KIZ: variants seen among roughly 807,000 people sequenced by gnomAD.
KIZ encodes kizuna centrosomal protein, also known as centrosomal protein kizuna.
KIZ carries 68 observed loss-of-function variants against 79.6 expected under a neutral mutation model. The ratio of observed to expected loss-of-function variants is 0.85; its 90% CI spans 0.70 to 1.05. The LOEUF (loss-of-function observed/expected upper bound fraction) is 1.05. Among genes scored for constraint, KIZ ranks in the 50% least tolerant of loss-of-function variants. The pLI is 0.00. For missense variants in KIZ, 797 were observed against 800.4 expected (o/e 1.00, Z 0.05); for synonymous variants, 280 against 281.8 (o/e 0.99, Z 0.06).
chr20:21,220,455 G>A (rs1311545760), intron 9 of KIZ, among the ~76,000 whole-genome samples: 2 of 152,008 alleles, frequency 1.3e-5, no homozygotes, highest in East Asian at 3.9e-4. Context: ...TCACTGCCCT[G>A]CCTCTTTTAT....
chr20:21,136,485 GA>G lies in KIZ; in HGVS notation c.249del (p.Phe84LeufsTer21). On this transcript the variant is annotated frameshift_variant, in exon 3 of 13. Coordinates refer to ENST00000619189, the MANE Select transcript of KIZ (RefSeq NM_018474.6). LOFTEE classifies it high-confidence loss of function. ...ACTCGAAACCAAGAATATTTAAAGCGATTTGAGCGTGTCCAAGCTCATGTTG... is the reference window on the plus strand; with the variant it reads ...ACTCGAAACCAAGAATATTTAAAGCGTTTGAGCGTGTCCAAGCTCATGTTG... ...AHTRNQEYLKRFERVQAHVVH... is the reference protein window; with the variant it reads ...AHTRNQEYLKXFERVQAHVVH... 2 of 1,599,092 alleles carry G rather than the reference GA, an allele frequency of 1.3e-6. No homozygotes were observed. Among genetic ancestry groups the G allele is most frequent in the South Asian group, 2.3e-5 (2 of 88,818 alleles).
At chr20:21,186,757 T>C (rs1418028767) in intron 6 of KIZ, among the ~76,000 whole-genome samples, 1 of 152,126 alleles carries the variant, frequency 6.6e-6, no homozygotes, top group Admixed American at 6.6e-5. Flanking sequence ...TCTAACAGGC[T>C]GTCCTAGGAG....
chr20:21,141,066 A>G (rs2032496080), intron 3 of KIZ, among the ~76,000 whole-genome samples: 1 of 152,122 alleles, frequency 6.6e-6, no homozygotes, highest in East Asian at 1.9e-4. Flanking sequence ...AAATATTAGT[A>G]TTAATGCTGT....
At chr20:21,223,181 AG>A (rs2036555796) in intron 9 of KIZ, among the ~76,000 whole-genome samples, 1 of 152,202 alleles carries the variant, frequency 6.6e-6, no homozygotes, top group Non-Finnish European at 1.5e-5. Context: ...AGTTTTGAAA[AG>A]TTAAAGGTTT....
At chr20:21,201,280 T>A (rs1294376519) in intron 6 of KIZ, among the ~76,000 whole-genome samples, 1 of 152,240 alleles carries the variant, frequency 6.6e-6, no homozygotes, top group Admixed American at 6.5e-5. Flanking sequence ...ATGATTCATG[T>A]GATTTAGAGA....
chr20:21,134,296 C>T (rs868477688), intron 2 of KIZ, among the ~76,000 whole-genome samples: 2 of 152,220 alleles, frequency 1.3e-5, no homozygotes, highest in African/African-American at 2.4e-5. Context: ...TTAAGCATGA[C>T]GGGATGTTTT....
intron 4 of KIZ, chr20:21,158,881 C>T (rs555111354): frequency 6.6e-6 from 1 of 152,406 alleles, no homozygotes; most frequent in African/African-American, 2.4e-5. Context: ...GCAGCTTTGA[C>T]TTCCTGGGCC....
chr20:21,158,937 T>C (rs2033519672), intron 4 of KIZ, among the ~76,000 whole-genome samples: 1 of 151,718 alleles, frequency 6.6e-6, no homozygotes, highest in Non-Finnish European at 1.5e-5. Context: ...GGACCACAGG[T>C]GTGTGCCACC....
At chr20:21,226,527 G>A (rs2036660031) in intron 9 of KIZ, among the ~76,000 whole-genome samples, 1 of 152,108 alleles carries the variant, frequency 6.6e-6, no homozygotes, top group African/African-American at 2.4e-5. Context: ...ACTAAATAGG[G>A]GGGTGATGCA....
In KIZ at chr20:21,171,286, T is replaced by C. The variant is rs565122097; in HGVS notation, c.1352+8127T>C. Among the ~76,000 whole-genome samples the C allele has an allele frequency of 2.0e-5, 3 of 152,356 alleles. No homozygotes were observed. In the East Asian group the frequency reaches 5.8e-4, roughly 29 times the overall value. ...CCATTTTTATTTCAGTTAGTTTTCT[T>C]ATTGTTGAGTTTTAATAGCTCTTTC... is the stretch of plus-strand genomic sequence containing the variant. On this transcript the variant is annotated intron_variant, in intron 6 of 12. Transcript: ENST00000619189.
intron 6 of KIZ, among the ~76,000 whole-genome samples, chr20:21,164,811 G>A (rs979519588): frequency 6.6e-6 from 1 of 151,906 alleles, no homozygotes; most frequent in African/African-American, 2.4e-5. Context: ...GGCATGTGGG[G>A]AATTTTGAGT....
At chr20:21,150,414 T>G (rs2033060488) in intron 4 of KIZ, among the ~76,000 whole-genome samples, 1 of 152,184 alleles carries the variant, frequency 6.6e-6, no homozygotes, top group South Asian at 2.1e-4. Flanking sequence ...GAATCACTGC[T>G]CAACTATAAA....
rs551437123 is a variant in KIZ, at chr20:21,199,695, G to T, written c.1353-5796G>T. ...CCTGCTGGGAACTCCAAATCTAAGT[G>T]AAATAGACCTATCTGCTTTGTGATC... On this transcript the variant is annotated intron_variant, in intron 6 of 12. Coordinates refer to ENST00000619189, the MANE Select transcript of KIZ (RefSeq NM_018474.6). Among the ~76,000 whole-genome samples, 25 of 152,328 alleles carry T rather than the reference G, an allele frequency of 1.6e-4. 1 individual carries two copies. The East Asian group carries it at 2.9e-3, about 18-fold the overall frequency.
intron 3 of KIZ, among the ~76,000 whole-genome samples, chr20:21,145,132 A>G (rs2032776173): frequency 6.6e-6 from 1 of 151,288 alleles, no homozygotes; most frequent in South Asian, 2.1e-4. Context: ...TATTTTGTAG[A>G]TATCATATAG....
In KIZ at chr20:21,162,177, G is replaced by A. The variant is rs1330830312; in HGVS notation, c.712G>A (p.Val238Ile). 1 of 1,611,626 alleles carries A rather than the reference G, an allele frequency of 6.2e-7. No individual in the cohort carries two copies. The highest frequency in any genetic ancestry group is 2.2e-5 in the East Asian group (1 of 44,864). The change falls in exon 5 of 13, where the codon GTC becomes ATC. Residue 238 changes from valine to isoleucine, a missense_variant. Coordinates refer to ENST00000619189, the MANE Select transcript of KIZ (RefSeq NM_018474.6). ...TCTTCAGATTGGTGAGAAAATGCCA[G>A]TCACAGCCAGTGTATTGTCTGAGGA... ...ASLQIGEKMP[V>I]TASVLSEEEQ...
At chr20:21,142,488 TGTG>T (rs2122467577) in intron 3 of KIZ, among the ~76,000 whole-genome samples, 1 of 152,256 alleles carries the variant, frequency 6.6e-6, no homozygotes, top group Non-Finnish European at 1.5e-5. Context: ...TGAGAACTAA[TGTG>T]GTATTGATGA....
chr20:21,207,045 G>GT (rs1320086156), intron 7 of KIZ, among the ~76,000 whole-genome samples: 1 of 152,174 alleles, frequency 6.6e-6, no homozygotes, highest in Non-Finnish European at 1.5e-5. Flanking sequence ...TTCAAAGCAT[G>GT]TTTTTTCATC....
intron 10 of KIZ, among the ~76,000 whole-genome samples, chr20:21,231,529 A>G (rs1268401528): frequency 6.6e-6 from 1 of 152,204 alleles, no homozygotes; most frequent in Non-Finnish European, 1.5e-5. Flanking sequence ...TCAAAATTAC[A>G]CTACATGTTT....
chr20:21,195,788 T>G (rs1393505432), intron 6 of KIZ: 1 of 152,202 alleles, frequency 6.6e-6, no homozygotes, highest in Non-Finnish European at 1.5e-5. Flanking sequence ...ACTGAGAAGA[T>G]CTAGGTTCAC....
Sources: gnomAD v4.1 joint callset for allele counts (sites outside exome capture counted in the v4.1 genomes callset) on GRCh38, gnomAD v4.1.1 for gene constraint, MANE v1.5 for transcripts, NCBI Gene and HGNC (gene_info 2026-07-23, HGNC 2026-07-21) for gene names.